The following SPATA6 variants were observed in gnomAD, a reference collection of about 807,000 sequenced individuals.
The protein encoded by SPATA6 is spermatogenesis-associated protein 6.
A neutral mutation model predicts 65.3 loss-of-function variants in SPATA6; 56 were observed. That is an observed-to-expected ratio of 0.86 (90% confidence interval 0.69 to 1.07). SPATA6 has a LOEUF of 1.07. Among genes scored for constraint, SPATA6 ranks in the 50% least tolerant of loss-of-function variants. SPATA6 has a pLI of 0.00. For missense variants in SPATA6, 590 were observed against 594.8 expected (o/e 0.99, Z 0.08); for synonymous variants, 199 against 213.2 (o/e 0.93, Z 0.58).
At chr1:48,271,429 A>C in the SPATA6 span, among the ~76,000 whole-genome samples, 1 of 152,156 alleles carries the variant, frequency 6.6e-6, no homozygotes, top group Non-Finnish European at 1.5e-5. Flanking sequence ...TACAACCAAG[A>C]TGTTTCTCTC....
downstream of SPATA6, among the ~76,000 whole-genome samples, chr1:48,294,261 G>C (rs998130180): frequency 6.6e-6 from 1 of 152,092 alleles, no homozygotes; most frequent in African/African-American, 2.4e-5. Flanking sequence ...ATTTTCAGTA[G>C]AGGCAGGGTT....
chr1:48,315,160 C>A (rs992187845), intron 11 of SPATA6, among the ~76,000 whole-genome samples: 1 of 151,984 alleles, frequency 6.6e-6, no homozygotes, highest in African/African-American at 2.4e-5. Context: ...CCAATCAACA[C>A]AAAAAGAGGG....
intron 11 of SPATA6, among the ~76,000 whole-genome samples, chr1:48,309,724 T>C (rs1291151176): frequency 6.6e-6 from 1 of 152,182 alleles, no homozygotes; most frequent in Non-Finnish European, 1.5e-5. Flanking sequence ...GCATAGTGAT[T>C]TTCTGACTTA....
At chr1:48,468,353 T>A (rs1294081808) in intron 1 of SPATA6, among the ~76,000 whole-genome samples, 1 of 152,262 alleles carries the variant, frequency 6.6e-6, no homozygotes, top group Non-Finnish European at 1.5e-5. Flanking sequence ...TTCATCCATG[T>A]TGTTGGTTCT....
At chr1:48,286,908 G>A in the SPATA6 span, among the ~76,000 whole-genome samples, 39 of 151,708 alleles carry the variant, frequency 2.6e-4, 1 homozygote, top group Non-Finnish European at 7.4e-5. Context: ...GTGTGGTGGC[G>A]GGCACCTGTA....
the SPATA6 span, among the ~76,000 whole-genome samples, chr1:48,278,896 TA>T: frequency 6.6e-6 from 1 of 152,030 alleles, no homozygotes; most frequent in South Asian, 2.1e-4. Flanking sequence ...CACCAAAGTT[TA>T]AATAAAGGCA....
At chr1:48,345,256 G>T (rs1646333142) in intron 11 of SPATA6, among the ~76,000 whole-genome samples, 1 of 152,048 alleles carries the variant, frequency 6.6e-6, no homozygotes, top group Non-Finnish European at 1.5e-5. Context: ...GCTAAATGAT[G>T]AAATTAAAGC....
intron 12 of SPATA6, 62 bp downstream of exon 12, chr1:48,305,725 T>C: frequency 8.2e-7 from 1 of 1,224,514 alleles, no homozygotes; most frequent in Non-Finnish European, 1.1e-6. Flanking sequence ...AAATTCAGCA[T>C]ATTATAAAAC....
intron 1 of SPATA6, among the ~76,000 whole-genome samples, chr1:48,464,214 A>C (rs1020866340): frequency 4.6e-5 from 7 of 152,096 alleles, no homozygotes; most frequent in African/African-American, 1.7e-4. Flanking sequence ...CAGAAGCATA[A>C]TTTAAAATTA....
intron 12 of SPATA6, among the ~76,000 whole-genome samples, chr1:48,300,027 G>C (rs978767053): frequency 6.6e-6 from 1 of 152,160 alleles, no homozygotes; most frequent in Non-Finnish European, 1.5e-5. Context: ...GAGAGAGAGA[G>C]AGAGCGAGCG....
chr1:48,288,805 C>G, the SPATA6 span, among the ~76,000 whole-genome samples: 1 of 152,186 alleles, frequency 6.6e-6, no homozygotes, highest in Non-Finnish European at 1.5e-5. Context: ...GGGAGGGGCG[C>G]CCACCATTGC....
intron 11 of SPATA6, among the ~76,000 whole-genome samples, chr1:48,312,111 C>T (rs1012379700): frequency 1.3e-5 from 2 of 152,192 alleles, no homozygotes; most frequent in African/African-American, 2.4e-5. Context: ...AGGAGGCCTG[C>T]CTCCCACTGT....
intron 1 of SPATA6, among the ~76,000 whole-genome samples, chr1:48,456,623 T>C (rs1291743749): frequency 1.3e-4 from 20 of 152,094 alleles, no homozygotes; most frequent in Non-Finnish European, 2.9e-5. Flanking sequence ...TGTCTAATGA[T>C]CTAAATGAAA....
Position 48,472,058 on chromosome 1 carries a change from A to T in SPATA6, c.-50T>A. On this transcript the variant is annotated 5_prime_UTR_variant, in exon 1 of 13. Coordinates refer to ENST00000371847, the MANE Select transcript of SPATA6 (RefSeq NM_019073.4). ...GTGACCCCGGCCACGGGCCCGAGTG[A>T]GGCGGGGAGACCTGGGGCTGGGCGG... 1.8e-5 allele frequency: 18 copies of T among 997,146 alleles called. No individual in the cohort carries two copies. The highest frequency in any genetic ancestry group is 2.4e-5 in the Non-Finnish European group (18 of 738,018). 61.8% of individuals were successfully genotyped at this position (997,146 alleles called of 1,614,324 possible).
At chr1:48,466,830 ATC>A (rs1657846802) in intron 1 of SPATA6, among the ~76,000 whole-genome samples, 1 of 152,110 alleles carries the variant, frequency 6.6e-6, no homozygotes, top group Non-Finnish European at 1.5e-5. Context: ...AAGAAGCCAG[ATC>A]TGTCTGCCAC....
At chr1:48,280,029 C>A in the SPATA6 span, among the ~76,000 whole-genome samples, 1 of 152,222 alleles carries the variant, frequency 6.6e-6, no homozygotes, top group East Asian at 1.9e-4. Context: ...TTAAGAAACT[C>A]ACTGAAAACC....
intron 11 of SPATA6, among the ~76,000 whole-genome samples, chr1:48,328,797 A>G (rs2148723586): frequency 6.6e-6 from 1 of 152,338 alleles, no homozygotes; most frequent in South Asian, 2.1e-4. Flanking sequence ...AAGCCTTTAG[A>G]ATTGAGTAAT....
intron 3 of SPATA6, among the ~76,000 whole-genome samples, chr1:48,413,687 T>C (rs1652490109): frequency 1.3e-5 from 2 of 152,070 alleles, no homozygotes; most frequent in Non-Finnish European, 2.9e-5. Flanking sequence ...CTTGAACAAC[T>C]TGAGCGTTAG....
chr1:48,360,801 G>C (rs541709223), intron 9 of SPATA6, among the ~76,000 whole-genome samples: 1 of 152,240 alleles, frequency 6.6e-6, no homozygotes, highest in East Asian at 1.9e-4. Flanking sequence ...ATGCTGGCTT[G>C]GGCCAGAATG....
Sources: gnomAD v4.1 joint callset for allele counts (sites outside exome capture counted in the v4.1 genomes callset) on GRCh38, gnomAD v4.1.1 for gene constraint, MANE v1.5 for transcripts, NCBI Gene and HGNC (gene_info 2026-07-23, HGNC 2026-07-21) for gene names.